The following FBN1 variants were observed in gnomAD, a reference collection of about 807,000 sequenced individuals.
The protein encoded by FBN1 is fibrillin-1.
FBN1 carries 29 observed loss-of-function variants against 365.1 expected under a neutral mutation model. The observed-to-expected ratio is 0.08, with a 90% CI of 0.06 to 0.11. FBN1 has a LOEUF of 0.11. FBN1 is among the 10% of genes least tolerant of loss of function. FBN1 has a pLI of 1.00. For missense variants in FBN1, 2,476 were observed against 3,703.2 expected (o/e 0.67, Z 8.60); for synonymous variants, 1,210 against 1,270.5 (o/e 0.95, Z 1.01).
intron 46 of FBN1, among the ~76,000 whole-genome samples, chr15:48,448,080 A>C (rs2043172684): frequency 1.3e-5 from 2 of 152,152 alleles, no homozygotes; most frequent in South Asian, 4.1e-4. Context: ...CTTTATGAGA[A>C]ATGTTCCCAA....
At chr15:48,465,892 G>C (rs758852058) in intron 38 of FBN1, 34 bp from the exon 39 acceptor site, 2 of 1,464,808 alleles carry the variant, frequency 1.4e-6, no homozygotes. Context: ...GAGTTGTTTT[G>C]AATCTAAAGT....
At chr15:48,625,936 G>T (rs1889867303) in intron 2 of FBN1, among the ~76,000 whole-genome samples, 1 of 152,122 alleles carries the variant, frequency 6.6e-6, no homozygotes, top group Non-Finnish European at 1.5e-5. Context: ...AGTGGTAAAT[G>T]AGAGTTTAGA....
chr15:48,639,490 C>A (rs1204489735), intron 2 of FBN1, among the ~76,000 whole-genome samples: 1 of 152,198 alleles, frequency 6.6e-6, no homozygotes, highest in East Asian at 1.9e-4. Context: ...TCCTGAAGTA[C>A]CCCCAGGGTT....
intron 50 of FBN1, among the ~76,000 whole-genome samples, chr15:48,439,006 C>T (rs2043093227): frequency 6.6e-6 from 1 of 152,106 alleles, no homozygotes; most frequent in South Asian, 2.1e-4. Flanking sequence ...CTTTTTCATT[C>T]ACTTCCATCA....
At chr15:48,422,993 T>G (rs1261464421) in intron 60 of FBN1, among the ~76,000 whole-genome samples, 1 of 152,136 alleles carries the variant, frequency 6.6e-6, no homozygotes, top group Non-Finnish European at 1.5e-5. Context: ...AACTGACAAC[T>G]GCCTGCAGTG....
Position 48,568,049 on chromosome 15 carries a change from G to GAAAGAAGAAAGAAAGAAAGA in FBN1, c.538+28233_538+28234insTCTTTCTTTCTTTCTTCTTT, listed in dbSNP as rs369157930. On this transcript the variant is annotated intron_variant, in intron 6 of 65. Transcript: ENST00000316623. Reference sequence around the variant, plus strand: ...AGAAAGAAAGAAAGAAAGAAAGAAAGAAGAAAGAAAGAAAGAAAGAAAGAA... The same window carrying GAAAGAAGAAAGAAAGAAAGA: ...AGAAAGAAAGAAAGAAAGAAAGAAAGAAAGAAGAAAGAAAGAAAGAAAGAAAGAAAGAAAGAAAGAAAGAA... Among the ~76,000 whole-genome samples, 159 of 40,084 alleles carry GAAAGAAGAAAGAAAGAAAGA rather than the reference G, an allele frequency of 4.0e-3. 2 individuals carry two copies. Among genetic ancestry groups the GAAAGAAGAAAGAAAGAAAGA allele is most frequent in the African/African-American group, 0.01 (73 of 7,298 alleles). 26.3% of individuals were successfully genotyped at this position (40,084 alleles called of 152,430 possible).
chr15:48,446,271 TACAATAAAATATTTTGAGAGAGAG>T (rs2043157979), intron 47 of FBN1, among the ~76,000 whole-genome samples: 1 of 152,118 alleles, frequency 6.6e-6, no homozygotes, highest in Non-Finnish European at 1.5e-5. Context: ...GTGAGTATAG[TACAATAAAATATTTTGAGAGAGAG>T]AGAGACAGTG....
chr15:48,635,202 A>G lies in FBN1; in HGVS notation c.164+9404T>C, dbSNP rs774560225. On this transcript the variant is annotated intron_variant, in intron 2 of 65. Transcript: ENST00000316623. The stretch of plus-strand genomic sequence containing the variant: ...CACTCTGAGCCTGCTTGCTGTCTGG[A>G]ATACATCTCCGGCTGGGAATGGTGG... Among the ~76,000 whole-genome samples, 101 of 152,308 alleles carry G rather than the reference A, an allele frequency of 6.6e-4. 1 individual carries two copies. Among genetic ancestry groups the G allele is most frequent in the Non-Finnish European group, 1.2e-3 (84 of 68,022 alleles).
intron 17 of FBN1, among the ~76,000 whole-genome samples, chr15:48,501,619 T>C (rs1399068335): frequency 6.6e-6 from 1 of 152,204 alleles, no homozygotes; most frequent in African/African-American, 2.4e-5. Context: ...ATTTTAAGAA[T>C]TCTTTGGAAG....
chr15:48,591,996 AC>A (rs2140705346), intron 6 of FBN1, among the ~76,000 whole-genome samples: 1 of 152,318 alleles, frequency 6.6e-6, no homozygotes, highest in African/African-American at 2.4e-5. Flanking sequence ...GGGACTTATT[AC>A]AGGACTTTTC....
At chr15:48,413,799 T>A (rs1476327651) in intron 64 of FBN1, among the ~76,000 whole-genome samples, 1 of 152,236 alleles carries the variant, frequency 6.6e-6, no homozygotes, top group Non-Finnish European at 1.5e-5. Context: ...AATTTTCCTA[T>A]ATACCCTTAG....
Position 48,445,549 on chromosome 15 carries a change from T to A in FBN1, c.5789-45A>T, listed in dbSNP as rs747020845. The A allele has an allele frequency of 8.1e-6, 13 of 1,598,796 alleles. No homozygotes were observed. The Admixed American group carries it at 1.2e-4, about 14-fold the overall frequency. On this transcript the variant is annotated intron_variant, in intron 47 of 65. Transcript: ENST00000316623. ...AATCCTTTAATATATTCCAAAGATGTCATAATCCCAGCAATAATCAAAACT... is the reference window on the plus strand; with the variant it reads ...AATCCTTTAATATATTCCAAAGATGACATAATCCCAGCAATAATCAAAACT...
chr15:48,639,073 G>C (rs1225538963), intron 2 of FBN1, among the ~76,000 whole-genome samples: 1 of 152,188 alleles, frequency 6.6e-6, no homozygotes, highest in Non-Finnish European at 1.5e-5. Context: ...CTTAGGATTT[G>C]TGAACTAGCA....
At chr15:48,438,560 C>A (rs1269462324) in intron 50 of FBN1, among the ~76,000 whole-genome samples, 2 of 151,722 alleles carry the variant, frequency 1.3e-5, no homozygotes, top group African/African-American at 4.8e-5. Flanking sequence ...ATTTTACACA[C>A]ACACACATAT....
chr15:48,630,731 C>CAAAAAAAAAAAAAA (rs11393587), intron 2 of FBN1, among the ~76,000 whole-genome samples: 2 of 111,096 alleles, frequency 1.8e-5, no homozygotes, highest in Non-Finnish European at 3.6e-5. Context: ...GACTCCATCT[C>CAAAAAAAAAAAAAA]AAAAAAAAAA....
chr15:48,620,922 C>A (rs1486066430), intron 2 of FBN1, among the ~76,000 whole-genome samples: 1 of 152,082 alleles, frequency 6.6e-6, no homozygotes, highest in East Asian at 1.9e-4. Flanking sequence ...CTTGCAGTGA[C>A]AGAAAGTATA....
chr15:48,493,570 T>C (rs1158425697), intron 23 of FBN1, among the ~76,000 whole-genome samples: 2 of 152,224 alleles, frequency 1.3e-5, no homozygotes, highest in Non-Finnish European at 2.9e-5. Flanking sequence ...GGCCAAAGGA[T>C]TCAGTCATCA....
intron 4 of FBN1, among the ~76,000 whole-genome samples, chr15:48,609,265 T>G (rs549994972): frequency 6.6e-6 from 1 of 152,340 alleles, no homozygotes; most frequent in Non-Finnish European, 1.5e-5. Flanking sequence ...CAAGGAAAAC[T>G]ATGCTACACA....
intron 23 of FBN1, 150 bp from the exon 24 acceptor site, chr15:48,492,736 G>A: frequency 1.5e-6 from 1 of 664,408 alleles, no homozygotes; most frequent in Non-Finnish European, 2.6e-6. Flanking sequence ...GAATTTCTAG[G>A]GTGCCTGAAT....
Sources: gnomAD v4.1 joint callset for allele counts (sites outside exome capture counted in the v4.1 genomes callset) on GRCh38, gnomAD v4.1.1 for gene constraint, MANE v1.5 for transcripts, NCBI Gene and HGNC (gene_info 2026-07-23, HGNC 2026-07-21) for gene names.